The following LARP4B variants were observed in gnomAD, a reference collection of about 807,000 sequenced individuals.
LARP4B encodes the protein La ribonucleoprotein 4B, also known as la-related protein 4B.
In LARP4B, 12 loss-of-function variants were observed where a neutral mutation model predicts 89.8. The ratio of observed to expected loss-of-function variants is 0.13; its 90% confidence interval spans 0.09 to 0.22. The LOEUF is 0.22. Among genes scored for constraint, LARP4B ranks in the 10% least tolerant of loss-of-function variants. The pLI is 1.00. For synonymous variants in LARP4B, 367 were observed against 363.3 expected, an observed-to-expected ratio of 1.01 and a Z score of -0.12; for missense variants, 757 against 947.7, an observed-to-expected ratio of 0.80 and a Z score of 2.64.
rs1265646479 is a variant in LARP4B, at chr10:810,628, A to C, written c.*2298T>G. ...GACTTCTCATTATTAAAAACCAAGG[A>C]CTCACTGGCGGACGGGCAGGCCTTG... On this transcript the variant is annotated 3_prime_UTR_variant, in exon 18 of 18. Coordinates refer to ENST00000316157, the MANE Select transcript of LARP4B (RefSeq NM_015155.3). The C allele has an allele frequency of 6.6e-6, 1 of 152,150 alleles. No homozygotes were observed. Among genetic ancestry groups the C allele is most frequent in the Non-Finnish European group, 1.5e-5 (1 of 68,036 alleles). 9.4% of individuals were successfully genotyped at this position (152,150 alleles called of 1,614,324 possible).
chr10:859,710 G>C (rs193123415), intron 5 of LARP4B, among the ~76,000 whole-genome samples: 2 of 152,292 alleles, frequency 1.3e-5, no homozygotes, highest in East Asian at 3.9e-4. Flanking sequence ...AAAGAAATGA[G>C]TTATCAAGCC....
intron 10 of LARP4B, 39 bp from the exon 11 acceptor site, chr10:829,633 G>T: frequency 6.2e-7 from 1 of 1,609,246 alleles, no homozygotes; most frequent in Non-Finnish European, 8.5e-7. Flanking sequence ...GAATACTTAA[G>T]AACATCAATT....
At chr10:868,405 G>A (rs1329707212) in intron 3 of LARP4B, among the ~76,000 whole-genome samples, 1 of 145,576 alleles carries the variant, frequency 6.9e-6, no homozygotes, top group African/African-American at 2.5e-5. Context: ...AAAGACACCT[G>A]TAACAGCACT....
intron 3 of LARP4B, among the ~76,000 whole-genome samples, chr10:880,200 T>C (rs1564427769): frequency 6.6e-6 from 1 of 152,228 alleles, no homozygotes; most frequent in African/African-American, 2.4e-5. Context: ...GATATTTTCA[T>C]AGAAATTCAA....
At chr10:827,092 G>A (rs1336612177) in intron 11 of LARP4B, among the ~76,000 whole-genome samples, 1 of 152,106 alleles carries the variant, frequency 6.6e-6, no homozygotes, top group African/African-American at 2.4e-5. Context: ...TGGCTAACAT[G>A]GTGAAACCCC....
chr10:946,465 C>A, the LARP4B span, among the ~76,000 whole-genome samples: 1 of 152,214 alleles, frequency 6.6e-6, no homozygotes. Flanking sequence ...GAAAGGTAAG[C>A]AAGTTACTTT....
intron 3 of LARP4B, among the ~76,000 whole-genome samples, chr10:878,606 G>C (rs1479181217): frequency 6.6e-6 from 1 of 152,180 alleles, no homozygotes; most frequent in Non-Finnish European, 1.5e-5. Context: ...GAAATACACT[G>C]AGTTGTACTT....
the LARP4B span, among the ~76,000 whole-genome samples, chr10:938,840 T>C: frequency 6.6e-6 from 1 of 152,216 alleles, no homozygotes; most frequent in Non-Finnish European, 1.5e-5. Context: ...GAGAGTTATC[T>C]TGTAGAGACA....
intron 5 of LARP4B, among the ~76,000 whole-genome samples, chr10:849,211 G>T (rs1305086898): frequency 6.6e-6 from 1 of 152,184 alleles, no homozygotes; most frequent in Admixed American, 6.5e-5. Context: ...GGGACAAAAA[G>T]AAACAGAACA....
At chr10:833,248 TTAAAA>T (rs1833001163) in intron 8 of LARP4B, among the ~76,000 whole-genome samples, 1 of 32,712 alleles carries the variant, frequency 3.1e-5, no homozygotes, top group Non-Finnish European at 5.4e-5. Flanking sequence ...CTGATGAGCT[TTAAAA>T]AAAAAAAAAA....
At chr10:879,619 A>G (rs930139062) in intron 3 of LARP4B, among the ~76,000 whole-genome samples, 1 of 151,802 alleles carries the variant, frequency 6.6e-6, no homozygotes, top group Admixed American at 6.6e-5. Context: ...CCCATCAGCC[A>G]CCTGAGTAGC....
chr10:814,877 A>C lies in LARP4B; in HGVS notation c.1821-27T>G. 3 of 1,580,948 alleles carry C rather than the reference A, an allele frequency of 1.9e-6. No individual in the cohort carries two copies. The highest frequency in any genetic ancestry group is 2.6e-6 in the Non-Finnish European group (3 of 1,158,244). ...TGTAAAAATGCCACCCGATATTTGAATCTCATGCAACATCACAGGCCATTC... is the reference window on the plus strand; with the variant it reads ...TGTAAAAATGCCACCCGATATTTGACTCTCATGCAACATCACAGGCCATTC... On this transcript the variant is annotated intron_variant, in intron 16 of 17. Transcript: ENST00000316157. This position sits in a 1 kb window ranked among gnomAD's most constrained non-coding sequence, Gnocchi z 4.4.
At chr10:849,205 C>T (rs192809890) in intron 5 of LARP4B, among the ~76,000 whole-genome samples, 1 of 152,114 alleles carries the variant, frequency 6.6e-6, no homozygotes, top group East Asian at 1.9e-4. Context: ...ACACATGGGA[C>T]AAAAAGAAAC....
rs1262403448 is a variant in LARP4B, at chr10:814,361, C to T, written c.1929+381G>A. On this transcript the variant is annotated intron_variant, in intron 17 of 17. Coordinates refer to ENST00000316157, the MANE Select transcript of LARP4B (RefSeq NM_015155.3). The surrounding 1 kb of genome is among the most constrained non-coding windows in gnomAD (Gnocchi z 4.4). ...GGTTGGAGGCTGGTGGGGCCACCAT[C>T]TTGCTCTTCCTGTCTCTTCATCAGA... 2 of 341,876 alleles carry T rather than the reference C, an allele frequency of 5.9e-6. No individual in the cohort carries two copies. Among genetic ancestry groups the T allele is most frequent in the Non-Finnish European group, 1.2e-5 (2 of 170,110 alleles). The allele number at this position is 341,876 out of a possible 1,614,324, so 21.2% of individuals were successfully genotyped here.
the LARP4B span, among the ~76,000 whole-genome samples, chr10:949,660 G>C: frequency 1.1e-4 from 17 of 152,332 alleles, no homozygotes; most frequent in South Asian, 8.3e-4. Context: ...GGGCTGTCTT[G>C]TTGTTGTTTT....
chr10:916,298 A>G (rs534542775), intron 1 of LARP4B, among the ~76,000 whole-genome samples: 1 of 152,312 alleles, frequency 6.6e-6, no homozygotes, highest in South Asian at 2.1e-4. Context: ...ACAGACAATT[A>G]TTGTTCTACT....
intron 5 of LARP4B, among the ~76,000 whole-genome samples, chr10:852,912 G>T (rs1371197972): frequency 6.6e-6 from 1 of 152,172 alleles, no homozygotes; most frequent in Admixed American, 6.5e-5. Context: ...GATAAAAGAT[G>T]TAAAAGACCA....
At chr10:895,820 A>G (rs1404937117) in intron 1 of LARP4B, among the ~76,000 whole-genome samples, 2 of 152,246 alleles carry the variant, frequency 1.3e-5, no homozygotes, top group Non-Finnish European at 1.5e-5. Flanking sequence ...TTCAAATTTT[A>G]TAAGTACGTA....
the LARP4B span, among the ~76,000 whole-genome samples, chr10:969,207 T>C: frequency 6.6e-6 from 1 of 152,086 alleles, no homozygotes; most frequent in Non-Finnish European, 1.5e-5. Flanking sequence ...GGGGAAAAAA[T>C]GGTTCCTTTT....
Sources: allele counts gnomAD v4.1 joint callset (sites outside exome capture counted in the v4.1 genomes callset), GRCh38; gene constraint gnomAD v4.1.1; non-coding constraint Gnocchi (gnomAD v3.1); transcripts MANE v1.5; gene names NCBI Gene and HGNC (gene_info 2026-07-23, HGNC 2026-07-21).